Variants in ACTR3C observed in about 807,000 individuals in gnomAD.
The protein encoded by ACTR3C is actin-related protein 3C.
In ACTR3C, 18 loss-of-function variants were observed where a neutral mutation model predicts 26.3. The ratio of observed to expected loss-of-function variants is 0.68; its 90% CI spans 0.47 to 1.01. The LOEUF (loss-of-function observed/expected upper bound fraction) is 1.01. ACTR3C is among the 50% of genes least tolerant of loss of function. The pLI, the probability that ACTR3C is intolerant of heterozygous loss-of-function variation, is 0.00. For synonymous variants in ACTR3C, 55 were observed against 94.5 expected (o/e 0.58, Z 2.42); for missense variants, 184 against 250.7 (o/e 0.73, Z 1.80).
At chr7:150,198,786 G>GCC in the ACTR3C span, among the ~76,000 whole-genome samples, 2 of 109,290 alleles carry the variant, frequency 1.8e-5, no homozygotes, top group Admixed American at 8.5e-5. Flanking sequence ...GGCCAGCCGT[G>GCC]CCGTCCGGGA....
At chr7:150,189,203 A>G in the ACTR3C span, among the ~76,000 whole-genome samples, 255 of 151,680 alleles carry the variant, frequency 1.7e-3, no homozygotes, top group African/African-American at 5.8e-3. Flanking sequence ...CTTATTAGAA[A>G]TAAATTTACT....
chr7:150,070,805 T>C, the ACTR3C span, among the ~76,000 whole-genome samples: 1 of 150,242 alleles, frequency 6.7e-6, no homozygotes, highest in Non-Finnish European at 1.5e-5. Context: ...TTTTCTTTTT[T>C]TTTTTTTGAG....
chr7:149,930,285 GA>G, the ACTR3C span, among the ~76,000 whole-genome samples: 1 of 152,106 alleles, frequency 6.6e-6, no homozygotes, highest in Non-Finnish European at 1.5e-5. Flanking sequence ...TTCTAGAAGG[GA>G]AAATGTGTCC....
At chr7:150,034,953 T>C in the ACTR3C span, among the ~76,000 whole-genome samples, 1 of 139,608 alleles carries the variant, frequency 7.2e-6, no homozygotes, top group African/African-American at 2.7e-5. Context: ...GAAGAGGGGA[T>C]AACTCTCAGT....
the ACTR3C span, among the ~76,000 whole-genome samples, chr7:150,058,713 G>A: frequency 2.0e-5 from 3 of 152,148 alleles, no homozygotes; most frequent in African/African-American, 7.2e-5. Flanking sequence ...TCAGGAAATC[G>A]AGACCATCCT....
chr7:150,005,852 G>A, the ACTR3C span, among the ~76,000 whole-genome samples: 1 of 152,168 alleles, frequency 6.6e-6, no homozygotes, highest in Non-Finnish European at 1.5e-5. Flanking sequence ...CCTACAAGGA[G>A]GGCTGATAGA....
At chr7:150,258,108 A>G (rs1031838375) in intron 6 of ACTR3C, among the ~76,000 whole-genome samples, 2 of 151,952 alleles carry the variant, frequency 1.3e-5, no homozygotes, top group African/African-American at 2.4e-5. Flanking sequence ...CTTAACATCT[A>G]TAACTAGGAA....
chr7:150,309,422 A>C (rs556352304), intron 1 of ACTR3C, among the ~76,000 whole-genome samples: 1 of 152,312 alleles, frequency 6.6e-6, no homozygotes, highest in African/African-American at 2.4e-5. Flanking sequence ...TGGCCCTCAA[A>C]CCCCACAACA....
chr7:150,077,213 C>A, the ACTR3C span, among the ~76,000 whole-genome samples: 1 of 152,028 alleles, frequency 6.6e-6, no homozygotes, highest in Non-Finnish European at 1.5e-5. Context: ...TCCATTAAAC[C>A]GAATGGCAAA....
chr7:150,138,390 ACAGT>A, the ACTR3C span, among the ~76,000 whole-genome samples: 1 of 152,234 alleles, frequency 6.6e-6, no homozygotes, highest in Non-Finnish European at 1.5e-5. Context: ...GATTCTGCAG[ACAGT>A]ATCAAATAGG....
chr7:150,322,321 T>C (rs937326336), intron 1 of ACTR3C, among the ~76,000 whole-genome samples: 13 of 152,290 alleles, frequency 8.5e-5, no homozygotes, highest in Admixed American at 7.8e-4. Flanking sequence ...AGACAGAAGG[T>C]TGGCACAAGA....
chr7:150,111,651 C>T, the ACTR3C span, among the ~76,000 whole-genome samples: 2 of 121,600 alleles, frequency 1.6e-5, no homozygotes, highest in Admixed American at 8.9e-5. Flanking sequence ...TGCACACGCT[C>T]ACCCACACTC....
At chr7:150,085,081 A>T in the ACTR3C span, among the ~76,000 whole-genome samples, 3 of 152,096 alleles carry the variant, frequency 2.0e-5, no homozygotes, top group Admixed American at 1.3e-4. Flanking sequence ...ATTTACTGAG[A>T]TGGAACACTG....
At chr7:149,974,571 A>G in the ACTR3C span, among the ~76,000 whole-genome samples, 4 of 152,128 alleles carry the variant, frequency 2.6e-5, no homozygotes, top group African/African-American at 7.2e-5. Flanking sequence ...ACCACCTCTG[A>G]TCAGTACACA....
chr7:150,051,791 A>G, the ACTR3C span, among the ~76,000 whole-genome samples: 3 of 151,338 alleles, frequency 2.0e-5, no homozygotes, highest in African/African-American at 7.3e-5. Context: ...GCTGCAAAAT[A>G]TGTTGGATAG....
chr7:150,125,001 AT>A, the ACTR3C span, among the ~76,000 whole-genome samples: 1 of 152,172 alleles, frequency 6.6e-6, no homozygotes, highest in Non-Finnish European at 1.5e-5. Flanking sequence ...CCATTATTTG[AT>A]TTCACGCTTT....
At chr7:149,981,698 C>T in the ACTR3C span, among the ~76,000 whole-genome samples, 13 of 151,892 alleles carry the variant, frequency 8.6e-5, no homozygotes, top group South Asian at 2.1e-4. Flanking sequence ...ATCTGATGAC[C>T]GCAGCACTGT....
chr7:150,145,413 C>T, the ACTR3C span, among the ~76,000 whole-genome samples: 119 of 152,048 alleles, frequency 7.8e-4, 2 homozygotes, highest in Middle Eastern at 0.01. Flanking sequence ...GAAAAAGAAG[C>T]ATCTTTCCTG....
At chr7:150,041,913 G>A in the ACTR3C span, among the ~76,000 whole-genome samples, 3 of 149,190 alleles carry the variant, frequency 2.0e-5, no homozygotes, top group Non-Finnish European at 4.5e-5. Context: ...TCAGAGCCAG[G>A]GGGGGAAGAG....
Sources: allele counts gnomAD v4.1 joint callset (sites outside exome capture counted in the v4.1 genomes callset), GRCh38; gene constraint gnomAD v4.1.1; transcripts MANE v1.5; gene names NCBI Gene and HGNC (gene_info 2026-07-23, HGNC 2026-07-21).